Variants in MEGF6 observed in about 807,000 individuals in gnomAD.
MEGF6 encodes multiple epidermal growth factor-like domains protein 6.
MEGF6 carries 184 observed loss-of-function variants against 207.1 expected under a neutral mutation model. The observed-to-expected ratio is 0.89, with a 90% CI of 0.79 to 1.00. MEGF6 has a LOEUF of 1.00. Ranked by LOEUF, MEGF6 falls within the 50% of genes least tolerant of loss-of-function variation. The pLI, the probability that MEGF6 is intolerant of heterozygous loss-of-function variation, is 0.00. For missense variants in MEGF6, 2,282 were observed against 2,202.9 expected (o/e 1.04, Z -0.72); for synonymous variants, 1,038 against 910.0 (o/e 1.14, Z -2.53).
chr1:3,607,343 T>C (rs1644264425), intron 1 of MEGF6, among the ~76,000 whole-genome samples: 1 of 152,090 alleles, frequency 6.6e-6, no homozygotes, highest in East Asian at 1.9e-4. Flanking sequence ...TTCACGGCTC[T>C]CCCCAAGGAC....
intron 2 of MEGF6, among the ~76,000 whole-genome samples, chr1:3,599,000 C>T (rs1434723269): frequency 6.6e-6 from 1 of 152,214 alleles, no homozygotes; most frequent in African/African-American, 2.4e-5. Context: ...TACTCACAGC[C>T]TCACCTACTC....
chr1:3,537,397 G>C (rs1291109022), intron 4 of MEGF6, among the ~76,000 whole-genome samples: 1 of 152,258 alleles, frequency 6.6e-6, no homozygotes, highest in Non-Finnish European at 1.5e-5. Flanking sequence ...CCATAGTCCT[G>C]ACCGAGGTGG....
rs1387091569 is a variant in MEGF6 at position 3,524,143 on chromosome 1, A to C, written c.585T>G (p.Thr195=). 1 of 1,612,498 alleles carries C rather than the reference A, an allele frequency of 6.2e-7. No homozygotes were observed. The highest frequency in any genetic ancestry group is 8.5e-7 in the Non-Finnish European group (1 of 1,179,724). ...ACTCACCCAGGCAGGTCCTGCTGTC[A>C]GTGTGGAGCCGGAAGCCGGGCTTGC... ...CECKPGFRLH[T]DSRTCLAINS... is the part of the protein sequence containing the mutation. Residue 195 remains threonine, a synonymous_variant, in exon 5 of 37, where the codon ACT becomes ACG. Transcript: ENST00000356575.
chr1:3,493,717 G>A (rs1328350761), intron 34 of MEGF6, 54 bp downstream of exon 34: 12 of 1,588,108 alleles, frequency 7.6e-6, no homozygotes, highest in Non-Finnish European at 9.5e-6. Context: ...ATCAATATTG[G>A]TCACTGATGG....
Position 3,498,397 on chromosome 1 carries a change from C to T in MEGF6, c.3326G>A (p.Gly1109Asp). Residue 1109 changes from glycine to aspartate, a missense_variant, in exon 26 of 37, where the codon GGC (glycine) becomes GAC (aspartate). Gly to Asp is a moderately conservative substitution (Grantham distance 94, BLOSUM62 -1). Coordinates refer to ENST00000356575, the MANE Select transcript of MEGF6 (RefSeq NM_001409.4). The stretch of plus-strand genomic sequence containing the variant: ...GCTCTGACACTTGTCCCCAGTCCAG[C>T]CGGCTGGGCAGAGGCAGCGGCCCGT... ...PHTGRCLCPA[G>D]WTGDKCQSPC... The T allele has an allele frequency of 6.2e-7, 1 of 1,600,854 alleles. No homozygotes were observed. The highest frequency in any genetic ancestry group is 1.3e-5 in the African/African-American group (1 of 74,902).
At chr1:3,603,215 G>A (rs1323610390) in intron 1 of MEGF6, among the ~76,000 whole-genome samples, 1 of 152,210 alleles carries the variant, frequency 6.6e-6, no homozygotes, top group East Asian at 1.9e-4. Context: ...ATAAACCAGG[G>A]GAGGGGGCAT....
chr1:3,520,874 C>T (rs1480465973), intron 5 of MEGF6, among the ~76,000 whole-genome samples: 1 of 152,166 alleles, frequency 6.6e-6, no homozygotes, highest in African/African-American at 2.4e-5. Context: ...GTTTTAAGGC[C>T]CCCCTCAGGT....
At chr1:3,498,188 G>A (rs1051797432) in intron 26 of MEGF6, among the ~76,000 whole-genome samples, 183 bp downstream of exon 26, 2 of 152,164 alleles carry the variant, frequency 1.3e-5, no homozygotes, top group African/African-American at 4.8e-5. Context: ...CCACAGGCCA[G>A]CTTCCTAGGC....
At chr1:3,551,056 G>A (rs896100183) in intron 4 of MEGF6, among the ~76,000 whole-genome samples, 1 of 152,328 alleles carries the variant, frequency 6.6e-6, no homozygotes, top group Non-Finnish European at 1.5e-5. Context: ...TCTGAGAGCC[G>A]GGCCCGCGTG....
chr1:3,521,674 C>G (rs1008158695), intron 5 of MEGF6, among the ~76,000 whole-genome samples: 2 of 152,178 alleles, frequency 1.3e-5, no homozygotes, highest in African/African-American at 4.8e-5. Context: ...GAGCAGCTCC[C>G]GCTGGGCCCA....
rs1189663719 is a variant in MEGF6 at position 3,499,222 on chromosome 1, C to T, written c.3010G>A (p.Ala1004Thr). The T allele has an allele frequency of 6.2e-7, 1 of 1,605,926 alleles. No homozygotes were observed. Among genetic ancestry groups the T allele is most frequent in the Admixed American group, 1.7e-5 (1 of 59,174 alleles). ...TCACAGGAGGCCCCGTTAAAGCAGG[C>T]ACAGGCCTGGCTGCAATTGTGCCCG... The part of the protein sequence containing the change: ...TYGHNCSQAC[A>T]CFNGASCDPV... Residue 1004 changes from alanine to threonine, a missense_variant, in exon 24 of 37, where the codon GCC (alanine) becomes ACC (threonine). Ala to Thr is a moderately conservative substitution (Grantham distance 58). Coordinates refer to ENST00000356575, the MANE Select transcript of MEGF6 (RefSeq NM_001409.4).
At chr1:3,522,543 G>A (rs527749412) in intron 5 of MEGF6, among the ~76,000 whole-genome samples, 1 of 149,088 alleles carries the variant, frequency 6.7e-6, no homozygotes, top group Admixed American at 6.7e-5. Context: ...CTCCTGGGAG[G>A]CAAATCCCAG....
At chr1:3,523,747 A>G (rs941611821) in intron 5 of MEGF6, among the ~76,000 whole-genome samples, 1 of 152,198 alleles carries the variant, frequency 6.6e-6, no homozygotes, top group Non-Finnish European at 1.5e-5. Flanking sequence ...CATCACAACC[A>G]GGCCAGGTCC....
At chr1:3,494,800 G>T (rs1348001573) in intron 30 of MEGF6, 59 bp from the exon 31 acceptor site, 5 of 1,483,218 alleles carry the variant, frequency 3.4e-6, no homozygotes, top group Middle Eastern at 2.5e-4. Context: ...CTCCCTCTGG[G>T]GATATGTCCC....
At chr1:3,515,602 G>A (rs1641514652) in intron 5 of MEGF6, 75 bp from the exon 6 acceptor site, 2 of 1,548,116 alleles carry the variant, frequency 1.3e-6, no homozygotes, top group South Asian at 2.4e-5. Context: ...CTGGCATGGA[G>A]CAGGGAGTGG....
rs1641346295 is a variant in MEGF6 at position 3,511,597 on chromosome 1, G to A, written c.1067C>T (p.Thr356Ile). 1 of 1,612,292 alleles carries A rather than the reference G, an allele frequency of 6.2e-7. No homozygotes were observed. ...CSHTSAGPLC[T>I]CPRGYELDTD... is the part of the protein sequence containing the mutation. ...GTCCAGCTCGTAGCCGCGGGGACAT[G>A]TGCACAGGGGCCCAGCACTGGTGTG... is the stretch of plus-strand genomic sequence containing the variant. The change falls in exon 9 of 37, where the codon ACA becomes ATA. Residue 356 changes from threonine (T) to isoleucine (I), a missense_variant. Thr to Ile is a moderately conservative substitution (Grantham distance 89, BLOSUM62 -1). Coordinates refer to ENST00000356575, the MANE Select transcript of MEGF6 (RefSeq NM_001409.4).
intron 29 of MEGF6, among the ~76,000 whole-genome samples, chr1:3,496,420 G>A (rs1403587950): frequency 6.6e-6 from 1 of 152,274 alleles, no homozygotes; most frequent in East Asian, 1.9e-4. Flanking sequence ...GCCGGGCACA[G>A]CAGGTGCAGG....
intron 1 of MEGF6, among the ~76,000 whole-genome samples, chr1:3,603,332 C>A (rs996308825): frequency 3.0e-4 from 46 of 152,054 alleles, no homozygotes; most frequent in African/African-American, 1.0e-3. Context: ...GAGGGACCCT[C>A]CAAAGACAGC....
intron 10 of MEGF6, among the ~76,000 whole-genome samples, chr1:3,510,203 G>A (rs972883532): frequency 5.3e-5 from 8 of 152,128 alleles, no homozygotes; most frequent in African/African-American, 1.9e-4. Context: ...TGGCAGACAC[G>A]TGCTAGGGGG....
Sources: allele counts gnomAD v4.1 joint callset (sites outside exome capture counted in the v4.1 genomes callset), GRCh38; gene constraint gnomAD v4.1.1; transcripts MANE v1.5; gene names NCBI Gene and HGNC (gene_info 2026-07-23, HGNC 2026-07-21).